The following LINC00632 variants were observed in gnomAD, a reference collection of about 807,000 sequenced individuals.
LINC00632 encodes long independently transcribed non-coding RNA 632.
chrX:140,759,903 A>G (rs1031282139), intron 3 of LINC00632, among the ~76,000 whole-genome samples: 2 of 111,753 alleles, frequency 1.8e-5, no homozygotes, highest in Admixed American at 1.9e-4. Context: ...ACAAGGAAGA[A>G]AAAAATTGCT....
chrX:140,780,333 G>A (rs150759031), exon 5 of LINC00632, among the ~76,000 whole-genome samples: 1,127 of 111,751 alleles, frequency 0.01, 11 homozygotes, highest in African/African-American at 0.035. Context: ...TAAGATGAGA[G>A]AAGGAAGTTT....
intron 3 of LINC00632, among the ~76,000 whole-genome samples, chrX:140,749,367 G>A (rs747996741): frequency 2.7e-5 from 3 of 111,936 alleles, no homozygotes; most frequent in Non-Finnish European, 3.8e-5. Flanking sequence ...TAACAGGGAT[G>A]GGAAAGTTTT....
chrX:140,748,778 AAT>A (rs1475407410), intron 3 of LINC00632, among the ~76,000 whole-genome samples: 36 of 106,149 alleles, frequency 3.4e-4, no homozygotes, highest in African/African-American at 1.2e-3. Flanking sequence ...TATAAAATAA[AAT>A]ATGATATATA....
Position 140,747,529 on chromosome X carries a change from CAAAAAAA to C in LINC00632, n.191+13577_191+13583del, listed in dbSNP as rs376796176. Among the ~76,000 whole-genome samples the C allele has an allele frequency of 3.5e-3, 224 of 63,230 alleles. 1 individual carries two copies. The highest frequency in any genetic ancestry group is 0.012 in the African/African-American group (207 of 16,794). 54.9% of individuals were successfully genotyped at this position (63,230 alleles called of 115,157 possible). ...TGGGCGGGAAGAGCCAAACTCCATC[CAAAAAAA>C]AAAAAAAAAAAGGAATTACATTGGC... On this transcript the variant is annotated intron_variant and non_coding_transcript_variant, in intron 3 of 4. Transcript: ENST00000648200.
intron 2 of LINC00632, among the ~76,000 whole-genome samples, chrX:140,725,122 C>T (rs1366903308): frequency 2.9e-5 from 3 of 104,700 alleles, no homozygotes; most frequent in Admixed American, 1.0e-4. Flanking sequence ...CATATACACA[C>T]ACATTCCATA....
chrX:140,759,282 TTC>T (rs1023657369), intron 3 of LINC00632, among the ~76,000 whole-genome samples: 4 of 94,070 alleles, frequency 4.3e-5, no homozygotes, highest in Non-Finnish European at 8.3e-5. Context: ...CCTCTTTTCT[TTC>T]TTTCTTTCCT....
At chrX:140,790,295 G>A (rs1298632065) in exon 5 of LINC00632, among the ~76,000 whole-genome samples, 3 of 105,977 alleles carry the variant, frequency 2.8e-5, no homozygotes, top group Non-Finnish European at 6.0e-5. Context: ...TTTCAGAAGA[G>A]AGAGTCAGTT....
exon 5 of LINC00632, among the ~76,000 whole-genome samples, chrX:140,786,266 G>A (rs891690905): frequency 8.9e-6 from 1 of 111,742 alleles, no homozygotes; most frequent in East Asian, 2.8e-4. Flanking sequence ...AATATTTATT[G>A]AGCGCTAACT....
At chrX:140,749,991 G>A (rs1931386808) in intron 3 of LINC00632, among the ~76,000 whole-genome samples, 1 of 110,719 alleles carries the variant, frequency 9.0e-6, no homozygotes, top group South Asian at 3.8e-4. Flanking sequence ...CACCACGCCT[G>A]GCCAAGTTTG....
chrX:140,743,061 C>T (rs761823077), intron 3 of LINC00632, among the ~76,000 whole-genome samples: 18 of 107,385 alleles, frequency 1.7e-4, no homozygotes, highest in African/African-American at 6.2e-4. Context: ...CCCGTCTCTA[C>T]TAAAAATACA....
exon 5 of LINC00632, among the ~76,000 whole-genome samples, chrX:140,786,938 T>C (rs1932027028): frequency 1.8e-5 from 2 of 111,836 alleles, no homozygotes; most frequent in South Asian, 7.3e-4. Context: ...AAATATATAA[T>C]CAGTGACAAA....
chrX:140,768,691 T>G (rs899199828), intron 3 of LINC00632, among the ~76,000 whole-genome samples: 95 of 97,729 alleles, frequency 9.7e-4, no homozygotes, highest in Non-Finnish European at 1.6e-3. Flanking sequence ...TACTATATAA[T>G]ATATTTATTA....
At chrX:140,745,521 C>T (rs1213997485) in intron 3 of LINC00632, among the ~76,000 whole-genome samples, 1 of 111,166 alleles carries the variant, frequency 9.0e-6, no homozygotes, top group Non-Finnish European at 1.9e-5. Context: ...CCATTCATTC[C>T]CTAAGCTGAA....
intron 3 of LINC00632, among the ~76,000 whole-genome samples, chrX:140,741,252 G>A (rs751681451): frequency 8.9e-6 from 1 of 112,214 alleles, no homozygotes; most frequent in Non-Finnish European, 1.9e-5. Flanking sequence ...TGGAGCCTAC[G>A]TGGCAAGCAC....
At chrX:140,716,680 G>A (rs140222104) in intron 2 of LINC00632, among the ~76,000 whole-genome samples, 16 of 108,814 alleles carry the variant, frequency 1.5e-4, no homozygotes, top group African/African-American at 5.0e-4. Context: ...TAACAAATTT[G>A]TGCACAGGCT....
chrX:140,788,785 G>C (rs752988561), exon 5 of LINC00632, among the ~76,000 whole-genome samples: 26 of 103,821 alleles, frequency 2.5e-4, no homozygotes, highest in African/African-American at 8.6e-4. Flanking sequence ...GTGTATATAT[G>C]TATATTCCAT....
intron 3 of LINC00632, among the ~76,000 whole-genome samples, chrX:140,743,330 C>G (rs141731575): frequency 4.8e-4 from 50 of 105,194 alleles, no homozygotes; most frequent in African/African-American, 1.6e-3. Flanking sequence ...GACAGGGACA[C>G]GCAGATGAGA....
At chrX:140,729,582 A>C (rs996640328) in intron 2 of LINC00632, among the ~76,000 whole-genome samples, 1 of 110,833 alleles carries the variant, frequency 9.0e-6, no homozygotes, top group African/African-American at 3.3e-5. Flanking sequence ...CATGCCCTAC[A>C]ATGTGAGGAC....
At chrX:140,748,362 G>T (rs1344111225) in intron 3 of LINC00632, among the ~76,000 whole-genome samples, 1 of 112,029 alleles carries the variant, frequency 8.9e-6, no homozygotes, top group African/African-American at 3.2e-5. Flanking sequence ...TAGAGAAAGT[G>T]GGACCATAAA....
Sources: gnomAD v4.1 joint callset for allele counts (sites outside exome capture counted in the v4.1 genomes callset) on GRCh38, gnomAD v4.1.1 for gene constraint, MANE v1.5 for transcripts, NCBI Gene and HGNC (gene_info 2026-07-23, HGNC 2026-07-21) for gene names.